Variants in ABL1 observed in about 807,000 individuals in gnomAD.
ABL1 encodes tyrosine-protein kinase ABL1.
In ABL1, 11 loss-of-function variants were observed where a neutral mutation model predicts 94.7. The ratio of observed to expected loss-of-function variants is 0.12; its 90% confidence interval spans 0.07 to 0.19. The LOEUF is 0.19. Ranked by LOEUF, ABL1 falls within the 10% of genes least tolerant of loss-of-function variation. The pLI, the probability that ABL1 is intolerant of heterozygous loss-of-function variation, is 1.00. For synonymous variants in ABL1, 656 were observed against 622.4 expected (o/e 1.05, Z -0.80); for missense variants, 1,082 against 1,489.4 (o/e 0.73, Z 4.50).
intron 1 of ABL1, among the ~76,000 whole-genome samples, chr9:130,748,811 A>G (rs950847215): frequency 1.3e-5 from 2 of 152,168 alleles, no homozygotes; most frequent in Non-Finnish European, 2.9e-5. Flanking sequence ...TCCTGACCTC[A>G]TGTGATCCAC....
intron 1 of ABL1, among the ~76,000 whole-genome samples, chr9:130,851,781 T>C (rs1830869455): frequency 6.7e-6 from 1 of 150,152 alleles, no homozygotes; most frequent in Non-Finnish European, 1.5e-5. Flanking sequence ...TTTTTTTTTT[T>C]TTTGAGATGG....
chr9:130,841,949 A>G (rs1830679595), intron 1 of ABL1, among the ~76,000 whole-genome samples: 1 of 146,596 alleles, frequency 6.8e-6, no homozygotes, highest in South Asian at 2.2e-4. Flanking sequence ...AGAGAGAGAG[A>G]GGGAGGGAGG....
At chr9:130,859,677 CTTTT>C (rs869234280) in intron 3 of ABL1, among the ~76,000 whole-genome samples, 8 of 78,456 alleles carry the variant, frequency 1.0e-4, no homozygotes, top group South Asian at 4.1e-4. Flanking sequence ...TCTTTCTTTC[CTTTT>C]TTTTTTTTTT....
intron 1 of ABL1, among the ~76,000 whole-genome samples, chr9:130,846,081 CTGTG>C (rs10554440): frequency 0.16 from 23,680 of 148,058 alleles, 2,109 homozygotes; most frequent in African/African-American, 0.25. Flanking sequence ...AAACGTATGT[CTGTG>C]TGTGTGTGTG....
chr9:130,783,865 A>G (rs1386577105), intron 1 of ABL1, among the ~76,000 whole-genome samples: 6 of 152,120 alleles, frequency 3.9e-5, no homozygotes, highest in African/African-American at 1.4e-4. Flanking sequence ...CATGTTGGCC[A>G]GGCTGGTCTC....
chr9:130,851,130 TAGTC>T lies in ABL1; in HGVS notation c.80-2931_80-2928del, dbSNP rs564406309. Among the ~76,000 whole-genome samples, 976 of 152,226 alleles carry T rather than the reference TAGTC, an allele frequency of 6.4e-3. 12 individuals are homozygous for T. The highest frequency in any genetic ancestry group is 0.022 in the African/African-American group (913 of 41,518). ...TAGTAGAGACGGGGCTTCACCGTGT[TAGTC>T]AGGATGGTCTCGATCTCCTGACCTC... On this transcript the variant is annotated intron_variant, in intron 1 of 10. Coordinates refer to ENST00000318560, the MANE Select transcript of ABL1 (RefSeq NM_005157.6).
At chr9:130,826,803 G>A (rs1339775822) in intron 1 of ABL1, among the ~76,000 whole-genome samples, 1 of 152,214 alleles carries the variant, frequency 6.6e-6, no homozygotes, top group African/African-American at 2.4e-5. Context: ...GCCCGGCCGG[G>A]CGCGGTGGCT....
At chr9:130,834,948 C>G, upstream of ABL1, 1 of 455,290 alleles carries the variant, frequency 2.2e-6, no homozygotes, top group Non-Finnish European at 4.4e-6. Flanking sequence ...TTGGAGACGC[C>G]CCAGGCCGCG....
At chr9:130,766,652 A>G (rs12002822) in intron 1 of ABL1, among the ~76,000 whole-genome samples, 336 of 152,126 alleles carry the variant, frequency 2.2e-3, no homozygotes, top group African/African-American at 7.6e-3. Flanking sequence ...GCCACCCTCT[A>G]GCTTTCATCC....
intron 1 of ABL1, among the ~76,000 whole-genome samples, chr9:130,732,998 T>C (rs1831686389): frequency 6.6e-6 from 1 of 152,104 alleles, no homozygotes; most frequent in Non-Finnish European, 1.5e-5. Context: ...AAACAGGAAA[T>C]AGAATTGCTA....
At chr9:130,760,819 C>T (rs1322037295) in intron 1 of ABL1, among the ~76,000 whole-genome samples, 2 of 151,520 alleles carry the variant, frequency 1.3e-5, no homozygotes, top group Non-Finnish European at 2.9e-5. Context: ...CGGGCCACAA[C>T]ACCCAGCTAA....
chr9:130,768,469 C>G (rs1357538572), intron 1 of ABL1, among the ~76,000 whole-genome samples: 5 of 152,178 alleles, frequency 3.3e-5, no homozygotes, highest in African/African-American at 1.2e-4. Flanking sequence ...GGAGCAGAAA[C>G]AGGAAGTTTC....
intron 1 of ABL1, among the ~76,000 whole-genome samples, chr9:130,724,205 A>G (rs768806487): frequency 1.3e-5 from 2 of 152,212 alleles, no homozygotes; most frequent in Non-Finnish European, 2.9e-5. Flanking sequence ...GAACTCCTCA[A>G]GTAAACTGTA....
chr9:130,867,217 C>T (rs891365133), intron 4 of ABL1, among the ~76,000 whole-genome samples: 1 of 152,144 alleles, frequency 6.6e-6, no homozygotes, highest in East Asian at 1.9e-4. Flanking sequence ...TTCCTGAGTC[C>T]GCATATGTGA....
intron 1 of ABL1, among the ~76,000 whole-genome samples, chr9:130,847,535 A>G (rs570686291): frequency 6.6e-6 from 1 of 152,340 alleles, no homozygotes; most frequent in African/African-American, 2.4e-5. Flanking sequence ...AGCATAGTTC[A>G]CTATGAAATG....
chr9:130,750,924 T>C (rs899720640), intron 1 of ABL1, among the ~76,000 whole-genome samples: 109 of 151,164 alleles, frequency 7.2e-4, no homozygotes, highest in African/African-American at 2.5e-3. Flanking sequence ...GGATTCCAGG[T>C]GTGAGCCACC....
At position 130,887,595 on chromosome 9, in the gene ABL1, T is replaced by C. The variant is rs1831611536; in HGVS notation, c.*1912T>C. ...CGGGGTCCAGTGCATTTTGTTTCTG[T>C]ATATGATTCTCTGTGGTTTTTTTTG... On this transcript the variant is annotated 3_prime_UTR_variant, in exon 11 of 11. Coordinates refer to ENST00000318560, the MANE Select transcript of ABL1 (RefSeq NM_005157.6). The C allele has an allele frequency of 4.3e-6, 1 of 232,350 alleles. No homozygotes were observed. The highest frequency in any genetic ancestry group is 8.5e-6 in the Non-Finnish European group (1 of 117,318). The allele number at this position is 232,350 out of a possible 1,614,324, so 14.4% of individuals were successfully genotyped here. A position where few individuals can be genotyped will look rare whatever the true frequency, so the allele number is the denominator to read the frequency against.
At chr9:130,878,659 T>G in intron 8 of ABL1, 92 bp downstream of exon 8, 4 of 1,468,884 alleles carry the variant, frequency 2.7e-6, no homozygotes, top group Non-Finnish European at 3.7e-6. Flanking sequence ...TGAAAGTTTT[T>G]CCATGAGCTC....
intron 1 of ABL1, among the ~76,000 whole-genome samples, chr9:130,846,057 G>C (rs1830764625): frequency 6.6e-6 from 1 of 151,464 alleles, no homozygotes; most frequent in Admixed American, 6.6e-5. Flanking sequence ...ATAACACAAA[G>C]GCTGTGTTCA....
Sources: allele counts gnomAD v4.1 joint callset (sites outside exome capture counted in the v4.1 genomes callset), GRCh38; gene constraint gnomAD v4.1.1; transcripts MANE v1.5; gene names NCBI Gene and HGNC (gene_info 2026-07-23, HGNC 2026-07-21).